Variants in ANKRD36 observed in about 807,000 individuals in gnomAD.
ANKRD36 encodes ankyrin repeat domain 36, also known as ankyrin repeat domain-containing protein 36A.
Under a neutral mutation model 278.1 loss-of-function variants are expected in ANKRD36, and 179 were observed. The observed-to-expected ratio is 0.64, with a 90% CI of 0.57 to 0.73. The LOEUF is 0.73. Ranked by LOEUF, ANKRD36 falls within the 30% of genes least tolerant of loss-of-function variation. The pLI is 0.00. For synonymous variants in ANKRD36, 320 were observed against 641.1 expected (o/e 0.50, Z 7.57); for missense variants, 1,159 against 1,956.7 (o/e 0.59, Z 7.69).
intron 28 of ANKRD36, among the ~76,000 whole-genome samples, chr2:97,184,952 A>T (rs2057077479): frequency 6.6e-6 from 1 of 151,788 alleles, no homozygotes; most frequent in Non-Finnish European, 1.5e-5. Flanking sequence ...TGCATGAAAG[A>T]CATGGAGGAT....
intron 22 of ANKRD36, among the ~76,000 whole-genome samples, chr2:97,179,074 T>G (rs2055325470): frequency 6.6e-6 from 1 of 151,576 alleles, no homozygotes; most frequent in Non-Finnish European, 1.5e-5. Flanking sequence ...ATATTATACC[T>G]TGTTGCAATG....
chr2:97,158,904 A>C (rs1410712357), intron 17 of ANKRD36, among the ~76,000 whole-genome samples: 1 of 152,102 alleles, frequency 6.6e-6, no homozygotes, highest in Admixed American at 6.6e-5. Context: ...AAATGTATGC[A>C]TGGGACTAGG....
chr2:97,210,409 A>G (rs1048176556), intron 56 of ANKRD36, among the ~76,000 whole-genome samples: 7 of 151,846 alleles, frequency 4.6e-5, no homozygotes, highest in African/African-American at 1.7e-4. Context: ...GAGTGAACTC[A>G]CTTCAGATGC....
At chr2:97,209,641 A>C (rs575542104) in intron 54 of ANKRD36, 40 bp from the exon 55 acceptor site, 93 of 1,581,404 alleles carry the variant, frequency 5.9e-5, no homozygotes, top group Admixed American at 2.2e-4. Flanking sequence ...ACTTTATCAT[A>C]TTTACATGTG....
At chr2:97,124,123 A>G (rs1184467048) in intron 4 of ANKRD36, among the ~76,000 whole-genome samples, 1 of 151,652 alleles carries the variant, frequency 6.6e-6, no homozygotes, top group Non-Finnish European at 1.5e-5. Context: ...TATAATGTAT[A>G]GTATCATACT....
intron 36 of ANKRD36, among the ~76,000 whole-genome samples, chr2:97,192,653 T>A (rs1346958906): frequency 6.6e-6 from 1 of 151,716 alleles, no homozygotes; most frequent in Non-Finnish European, 1.5e-5. Flanking sequence ...ATGTTTGAAA[T>A]TGTAGGGGTA....
intron 30 of ANKRD36, 33 bp downstream of exon 30, chr2:97,185,543 C>G (rs1264342730): frequency 6.3e-7 from 1 of 1,597,970 alleles, no homozygotes; most frequent in Non-Finnish European, 8.5e-7. Flanking sequence ...ATGTCATGTT[C>G]AGTCCAGATA....
In ANKRD36 at chr2:97,118,732, T is replaced by G. The variant is rs2036200486; in HGVS notation, c.486+215T>G. On this transcript the variant is annotated intron_variant, in intron 3 of 75. Transcript: ENST00000420699. ...CCTTTTTTCATGCACTTATGGTAAA[T>G]AACTATAAAAACAAATGAATTACAA... 5 of 308,818 alleles carry G rather than the reference T, an allele frequency of 1.6e-5. No individual in the cohort carries two copies. The East Asian group carries it at 2.1e-4, about 13-fold the overall frequency. The allele number at this position is 308,818 out of a possible 1,614,324, so 19.1% of individuals were successfully genotyped here. A position where few individuals can be genotyped will look rare whatever the true frequency, so the allele number is the denominator to read the frequency against.
At position 97,207,929 on chromosome 2, in the gene ANKRD36, T is replaced by G; in HGVS notation, c.3193-5T>G. Reference sequence around the variant, plus strand: ...ATTTATTATTTCATTTGAAATTCCATTCAGGCTACAAGTGCCGAGAAAGAT... The same window carrying G: ...ATTTATTATTTCATTTGAAATTCCAGTCAGGCTACAAGTGCCGAGAAAGAT... On this transcript the variant is annotated splice_polypyrimidine_tract_variant and splice_region_variant and intron_variant, in intron 53 of 75. Coordinates refer to ENST00000420699, the MANE Select transcript of ANKRD36 (RefSeq NM_001354587.1). The G allele has an allele frequency of 6.5e-7, 1 of 1,530,788 alleles. No homozygotes were observed. The highest frequency in any genetic ancestry group is 1.2e-5 in the South Asian group (1 of 83,038). The allele number at this position is 1,530,788 out of a possible 1,614,324, so 94.8% of individuals were successfully genotyped here. A position where few individuals can be genotyped will look rare whatever the true frequency, so the allele number is the denominator to read the frequency against.
chr2:97,179,993 A>C (rs955724541), intron 24 of ANKRD36, 60 bp downstream of exon 24: 49 of 1,596,384 alleles, frequency 3.1e-5, no homozygotes, highest in Middle Eastern at 2.0e-4. Flanking sequence ...AACTTCCCTT[A>C]CCCAAATAAA....
At chr2:97,177,976 T>C (rs1199550828) in intron 22 of ANKRD36, among the ~76,000 whole-genome samples, 1 of 146,944 alleles carries the variant, frequency 6.8e-6, no homozygotes, top group East Asian at 2.0e-4. Context: ...CAAACAAATT[T>C]ACAAGAAAAA....
At chr2:97,234,920 C>G (rs2073262290) in intron 68 of ANKRD36, among the ~76,000 whole-genome samples, 1 of 133,424 alleles carries the variant, frequency 7.5e-6, no homozygotes. Context: ...GATACTATTA[C>G]TTTTAGCTAC....
chr2:97,171,557 G>A (rs1482155508), intron 22 of ANKRD36, among the ~76,000 whole-genome samples: 3 of 103,214 alleles, frequency 2.9e-5, no homozygotes, highest in African/African-American at 1.1e-4. Context: ...GTGGTGGGGT[G>A]GGGGGAGGGG....
chr2:97,220,773 TAA>T (rs1283016447), intron 66 of ANKRD36, among the ~76,000 whole-genome samples: 6,000 of 106,736 alleles, frequency 0.056, 102 homozygotes, highest in African/African-American at 0.11. Flanking sequence ...TTTTTTTTTT[TAA>T]TTTTTTTTTT....
At chr2:97,185,607 C>A in intron 30 of ANKRD36, 97 bp downstream of exon 30, 1 of 1,408,908 alleles carries the variant, frequency 7.1e-7, no homozygotes, top group East Asian at 2.5e-5. Flanking sequence ...CAAAGCTGCA[C>A]ATTCTGATTC....
At position 97,204,110 on chromosome 2, in the gene ANKRD36, C is replaced by T. The variant is rs534617820; in HGVS notation, c.2988+14C>T. 8.9e-6 allele frequency: 14 copies of T among 1,574,946 alleles called. No homozygotes were observed. Among genetic ancestry groups the T allele is most frequent in the African/African-American group, 4.1e-5 (3 of 73,246 alleles). On this transcript the variant is annotated intron_variant, in intron 49 of 75. Coordinates refer to ENST00000420699, the MANE Select transcript of ANKRD36 (RefSeq NM_001354587.1). ...CCAGGCTTGAAGGTAATGAAACTGT[C>T]GTTTATATTGTGAACTAGTAAATGT...
In ANKRD36 at chr2:97,191,446, A is replaced by G. The variant is rs1316599466; in HGVS notation, c.2347+265A>G. 2.6e-5 allele frequency among the ~76,000 whole-genome samples: 4 copies of G among 151,700 alleles called. 1 individual carries two copies. The highest frequency in any genetic ancestry group is 4.4e-5 in the Non-Finnish European group (3 of 67,898). On this transcript the variant is annotated intron_variant, in intron 36 of 75. Transcript: ENST00000420699. ...TTGAAGACATAAGGGGCTCTGGGGA[A>G]CAGCATAATTTTGCTTTAACTCTAC...
intron 48 of ANKRD36, among the ~76,000 whole-genome samples, chr2:97,203,630 G>T (rs2061996903): frequency 6.6e-6 from 1 of 151,734 alleles, no homozygotes; most frequent in Non-Finnish European, 1.5e-5. Flanking sequence ...TCAGTTATTG[G>T]GCAAGTTAAA....
intron 66 of ANKRD36, among the ~76,000 whole-genome samples, chr2:97,220,664 A>G (rs1186780184): frequency 2.3e-4 from 31 of 136,002 alleles, no homozygotes; most frequent in Admixed American, 1.6e-3. Context: ...AATTATGGCT[A>G]TTGTGAAAAG....
Sources: gnomAD v4.1 joint callset for allele counts (sites outside exome capture counted in the v4.1 genomes callset) on GRCh38, gnomAD v4.1.1 for gene constraint, MANE v1.5 for transcripts, NCBI Gene and HGNC (gene_info 2026-07-23, HGNC 2026-07-21) for gene names.